Variants in USH2A observed in about 807,000 individuals in gnomAD.
USH2A encodes usherin.
In USH2A, 443 loss-of-function variants were observed where a neutral mutation model predicts 538.9. That is an observed-to-expected ratio of 0.82 (90% CI 0.76 to 0.89). USH2A has a LOEUF of 0.89. Among genes scored for constraint, USH2A ranks in the 40% least tolerant of loss-of-function variants. USH2A has a pLI of 0.00. For synonymous variants in USH2A, 2,413 were observed against 2,273.5 expected, an observed-to-expected ratio of 1.06 and a Z score of -1.75; for missense variants, 6,633 against 6,324.8, an observed-to-expected ratio of 1.05 and a Z score of -1.65.
chr1:215,889,163 T>C lies in USH2A; in HGVS notation c.7595-109A>G, dbSNP rs182051443. The C allele has an allele frequency of 2.8e-4, 361 of 1,310,108 alleles. 3 individuals carry two copies. The East Asian group carries it at 7.1e-3, about 26-fold the overall frequency. 81.2% of individuals were successfully genotyped at this position (1,310,108 alleles called of 1,614,324 possible). On this transcript the variant is annotated intron_variant, in intron 40 of 71. Coordinates refer to ENST00000307340, the MANE Select transcript of USH2A (RefSeq NM_206933.4). ...CTACAAGGATATGAAAATGAACACT[T>C]GGTAAAGGCCAATAAGTAAATAAAT...
chr1:216,226,231 T>G (rs1159886228), intron 14 of USH2A, among the ~76,000 whole-genome samples: 1 of 152,226 alleles, frequency 6.6e-6, no homozygotes, highest in Non-Finnish European at 1.5e-5. Flanking sequence ...TCCATGTGGA[T>G]ATAAAATGAG....
At chr1:216,239,104 G>GAA (rs59434332) in intron 13 of USH2A, among the ~76,000 whole-genome samples, 466 of 141,022 alleles carry the variant, frequency 3.3e-3, no homozygotes, top group Middle Eastern at 7.3e-3. Context: ...ATAAAACCAG[G>GAA]AAAAAAAAAA....
At chr1:215,979,227 GC>G (rs1435233533) in intron 35 of USH2A, among the ~76,000 whole-genome samples, 2 of 152,082 alleles carry the variant, frequency 1.3e-5, no homozygotes, top group Non-Finnish European at 2.9e-5. Flanking sequence ...GGAAAAACAT[GC>G]CCCCCATAGT....
At chr1:216,390,723 G>A (rs1024960840) in intron 3 of USH2A, among the ~76,000 whole-genome samples, 1 of 151,980 alleles carries the variant, frequency 6.6e-6, no homozygotes, top group Non-Finnish European at 1.5e-5. Context: ...TATTTCCTCG[G>A]TGTTCATAAT....
intron 4 of USH2A, among the ~76,000 whole-genome samples, chr1:216,348,801 T>A (rs144885811): frequency 1.4e-3 from 220 of 152,216 alleles, no homozygotes; most frequent in African/African-American, 5.0e-3. Context: ...AGGTTTTTTT[T>A]CTGTAATTTA....
chr1:215,995,414 A>T (rs1171860706), intron 34 of USH2A, among the ~76,000 whole-genome samples: 1 of 152,204 alleles, frequency 6.6e-6, no homozygotes, highest in East Asian at 1.9e-4. Flanking sequence ...TTTTGCCCAC[A>T]TTCTTTTTGG....
intron 21 of USH2A, among the ~76,000 whole-genome samples, chr1:216,106,533 T>G (rs909651418): frequency 4.0e-5 from 6 of 151,520 alleles, no homozygotes; most frequent in Non-Finnish European, 5.9e-5. Context: ...ATCCAAAATA[T>G]TTTTTTCTCT....
At chr1:215,983,575 T>C (rs900574724) in intron 35 of USH2A, among the ~76,000 whole-genome samples, 1 of 152,116 alleles carries the variant, frequency 6.6e-6, no homozygotes, top group South Asian at 2.1e-4. Context: ...ACTCTTAGCA[T>C]GAAGAAAGTC....
intron 37 of USH2A, among the ~76,000 whole-genome samples, chr1:215,947,553 C>T (rs965088269): frequency 6.6e-6 from 1 of 152,154 alleles, no homozygotes; most frequent in African/African-American, 2.4e-5. Context: ...GATCTGCCTA[C>T]ATATACTCAC....
intron 21 of USH2A, among the ~76,000 whole-genome samples, chr1:216,120,885 G>A (rs2033124377): frequency 6.6e-6 from 1 of 151,718 alleles, no homozygotes; most frequent in South Asian, 2.1e-4. Context: ...AAGAATGAGA[G>A]GACTTCAATA....
intron 13 of USH2A, among the ~76,000 whole-genome samples, chr1:216,233,185 G>A (rs986124855): frequency 6.6e-6 from 1 of 152,052 alleles, no homozygotes. Flanking sequence ...TCCCAGCTAC[G>A]TCTCTAGCTT....
intron 40 of USH2A, among the ~76,000 whole-genome samples, chr1:215,895,401 A>G (rs1665309324): frequency 1.3e-5 from 2 of 152,214 alleles, no homozygotes; most frequent in Admixed American, 6.5e-5. Flanking sequence ...TAAGGGAGCA[A>G]CAAGAAGGAA....
At position 216,324,160 on chromosome 1, in the gene USH2A, A is replaced by G. The variant is rs2102653997; in HGVS notation, c.1328+8T>C. ...TCTATTAAATTAATTGTTTAAAAAT[A>G]TTCATACTTGGAAAGCTGAAGACAG... is the stretch of plus-strand genomic sequence containing the variant. On this transcript the variant is annotated splice_region_variant and intron_variant, in intron 7 of 71. Transcript: ENST00000307340. 2 of 1,612,024 alleles carry G rather than the reference A, an allele frequency of 1.2e-6. No individual in the cohort carries two copies. The highest frequency in any genetic ancestry group is 1.7e-6 in the Non-Finnish European group (2 of 1,178,862).
At chr1:216,332,830 TAGC>T (rs1558041931) in intron 4 of USH2A, among the ~76,000 whole-genome samples, 1 of 152,144 alleles carries the variant, frequency 6.6e-6, no homozygotes, top group South Asian at 2.1e-4. Context: ...TAGTGACAAA[TAGC>T]AGCAACAAAA....
chr1:215,889,316 T>G (rs1665149347), intron 40 of USH2A, among the ~76,000 whole-genome samples: 1 of 152,186 alleles, frequency 6.6e-6, no homozygotes, highest in African/African-American at 2.4e-5. Context: ...ATCATGTCTT[T>G]TTATTCAAGC....
At chr1:215,770,047 A>T (rs1368316739) in intron 55 of USH2A, among the ~76,000 whole-genome samples, 2 of 152,224 alleles carry the variant, frequency 1.3e-5, no homozygotes, top group Non-Finnish European at 2.9e-5. Flanking sequence ...ATGTGTGTCA[A>T]GCAACTTCAC....
chr1:215,814,288 T>C (rs1455635072), intron 48 of USH2A, among the ~76,000 whole-genome samples: 2 of 147,212 alleles, frequency 1.4e-5, no homozygotes, highest in African/African-American at 2.5e-5. Flanking sequence ...ACATAAGATA[T>C]AGATCTTTTA....
chr1:216,398,791 A>G (rs1461245230), intron 3 of USH2A, among the ~76,000 whole-genome samples: 2 of 152,176 alleles, frequency 1.3e-5, no homozygotes, highest in Non-Finnish European at 2.9e-5. Context: ...CAATAAACCA[A>G]ACAGAGAGCT....
At chr1:216,073,478 T>C (rs571573950) in intron 27 of USH2A, among the ~76,000 whole-genome samples, 178 bp from the exon 28 acceptor site, 70 of 152,320 alleles carry the variant, frequency 4.6e-4, no homozygotes, top group African/African-American at 1.6e-3. Flanking sequence ...AGCTAATTTG[T>C]TGCAAAGAAA....
Sources: allele counts gnomAD v4.1 joint callset (sites outside exome capture counted in the v4.1 genomes callset), GRCh38; gene constraint gnomAD v4.1.1; transcripts MANE v1.5; gene names NCBI Gene and HGNC (gene_info 2026-07-23, HGNC 2026-07-21).